Variants in MCF2L observed in about 807,000 individuals in gnomAD.
MCF2L encodes the protein guanine nucleotide exchange factor DBS.
Under a neutral mutation model 153.4 loss-of-function variants are expected in MCF2L, and 97 were observed. The ratio of observed to expected loss-of-function variants is 0.63; its 90% CI spans 0.54 to 0.75. The LOEUF is 0.75. Among genes scored for constraint, MCF2L ranks in the 30% least tolerant of loss-of-function variants. The pLI, the probability that MCF2L is intolerant of heterozygous loss-of-function variation, is 0.00. For synonymous variants in MCF2L, 659 were observed against 632.2 expected, an observed-to-expected ratio of 1.04 and a Z score of -0.64; for missense variants, 1,347 against 1,495.2, an observed-to-expected ratio of 0.90 and a Z score of 1.64.
At chr13:113,020,446 G>T (rs1012577990) in intron 2 of MCF2L, among the ~76,000 whole-genome samples, 1 of 152,230 alleles carries the variant, frequency 6.6e-6, no homozygotes, top group Non-Finnish European at 1.5e-5. Flanking sequence ...AACTCAGGCT[G>T]CTTGCTGTGA....
At chr13:112,912,252 T>G (rs2081240292) in intron 2 of MCF2L, among the ~76,000 whole-genome samples, 1 of 152,190 alleles carries the variant, frequency 6.6e-6, no homozygotes, top group Non-Finnish European at 1.5e-5. Context: ...GAGTGGGTAA[T>G]GTCTGGGTGT....
At chr13:113,024,572 C>A in intron 2 of MCF2L, 72 bp from the exon 3 acceptor site, 1 of 895,014 alleles carries the variant, frequency 1.1e-6, no homozygotes, top group Non-Finnish European at 1.9e-6. Context: ...CTGATGAAAA[C>A]GGGCCGACAT....
At chr13:113,044,691 G>A (rs537785253) in intron 3 of MCF2L, 93 of 1,612,756 alleles carry the variant, frequency 5.8e-5, no homozygotes, top group Middle Eastern at 1.6e-4. Flanking sequence ...GGAGGCTGTC[G>A]TTATACAACG....
intron 2 of MCF2L, among the ~76,000 whole-genome samples, chr13:112,906,862 G>A (rs886067883): frequency 1.3e-5 from 2 of 152,236 alleles, no homozygotes; most frequent in Non-Finnish European, 2.9e-5. Context: ...TTGGTCAGTG[G>A]TGTCTTTAAA....
intron 1 of MCF2L, among the ~76,000 whole-genome samples, chr13:112,987,617 A>G (rs1389216423): frequency 2.6e-5 from 4 of 152,140 alleles, no homozygotes; most frequent in African/African-American, 9.7e-5. Context: ...TTTCACTTCC[A>G]TGGTAGTGGC....
chr13:113,077,292 G>A, intron 13 of MCF2L, 81 bp downstream of exon 13: 2 of 1,406,976 alleles, frequency 1.4e-6, no homozygotes, highest in African/African-American at 2.9e-5. Flanking sequence ...TACATCTGAG[G>A]CAGCCACCTG....
chr13:113,087,172 G>C (rs1566873984), intron 21 of MCF2L, 63 bp from the exon 22 acceptor site: 1 of 1,405,568 alleles, frequency 7.1e-7, no homozygotes, highest in Admixed American at 1.9e-5. Context: ...TTCACTCAGC[G>C]ATGCGCGTCC....
intron 1 of MCF2L, among the ~76,000 whole-genome samples, chr13:112,997,637 G>A (rs915652009): frequency 6.6e-6 from 1 of 152,242 alleles, no homozygotes; most frequent in Non-Finnish European, 1.5e-5. Context: ...GACCAGGTTT[G>A]TAAAATGAAA....
intron 2 of MCF2L, chr13:112,956,416 T>G (rs2081757997): frequency 6.6e-6 from 1 of 152,246 alleles, no homozygotes; most frequent in Non-Finnish European, 1.5e-5. Context: ...GAGAATTAAG[T>G]GTTAATGACA....
chr13:113,012,239 G>A (rs1250789125), intron 1 of MCF2L, among the ~76,000 whole-genome samples: 82 of 90,524 alleles, frequency 9.1e-4, no homozygotes, highest in East Asian at 3.4e-3. Context: ...TGGACACTGC[G>A]ATGAGGACGG....
chr13:112,936,975 C>T (rs2081521189), intron 2 of MCF2L, among the ~76,000 whole-genome samples: 1 of 152,212 alleles, frequency 6.6e-6, no homozygotes, highest in Admixed American at 6.5e-5. Flanking sequence ...ATTGAATCTA[C>T]AGATCCAAAC....
chr13:112,895,000 C>T (rs1410479080), intron 1 of MCF2L, among the ~76,000 whole-genome samples: 3 of 151,904 alleles, frequency 2.0e-5, no homozygotes, highest in Non-Finnish European at 2.9e-5. Flanking sequence ...CTTTCATCTG[C>T]CTGCTTGTCC....
chr13:113,000,968 A>G (rs1156513392), intron 1 of MCF2L, among the ~76,000 whole-genome samples: 1 of 152,158 alleles, frequency 6.6e-6, no homozygotes, highest in Non-Finnish European at 1.5e-5. Flanking sequence ...TGATATTCTC[A>G]GGAGATGTGC....
At chr13:113,001,854 G>T in intron 1 of MCF2L, 2 of 1,538,732 alleles carry the variant, frequency 1.3e-6, no homozygotes, top group African/African-American at 1.4e-5. Context: ...TCCTTTGTGT[G>T]CCCGGGAAGG....
intron 1 of MCF2L, among the ~76,000 whole-genome samples, chr13:113,002,708 A>G (rs1594584813): frequency 6.6e-6 from 1 of 152,334 alleles, no homozygotes; most frequent in East Asian, 1.9e-4. Context: ...TGCTTTTCTA[A>G]GAATGGAGTA....
At chr13:112,988,795 G>A (rs1339192835) in intron 1 of MCF2L, among the ~76,000 whole-genome samples, 5 of 112,416 alleles carry the variant, frequency 4.4e-5, no homozygotes, top group African/African-American at 1.7e-4. Context: ...CCCTGAGCAG[G>A]GGATGGGCTA....
chr13:112,913,459 T>G (rs1201277480), intron 2 of MCF2L, among the ~76,000 whole-genome samples: 1 of 152,194 alleles, frequency 6.6e-6, no homozygotes, highest in African/African-American at 2.4e-5. Context: ...AAAGTTATGT[T>G]TGATGCAGCT....
At chr13:112,912,274 G>T (rs978904057) in intron 2 of MCF2L, among the ~76,000 whole-genome samples, 1 of 152,106 alleles carries the variant, frequency 6.6e-6, no homozygotes, top group South Asian at 2.1e-4. Context: ...AGTGTCCGGG[G>T]ACATTGGCAG....
chr13:113,008,458 C>A (rs1566726429), intron 1 of MCF2L, among the ~76,000 whole-genome samples: 1 of 152,162 alleles, frequency 6.6e-6, no homozygotes, highest in African/African-American at 2.4e-5. Context: ...TGGTTAAATT[C>A]AGTGCCGTAA....
Sources: allele counts gnomAD v4.1 joint callset (sites outside exome capture counted in the v4.1 genomes callset), GRCh38; gene constraint gnomAD v4.1.1; transcripts MANE v1.5; gene names NCBI Gene and HGNC (gene_info 2026-07-23, HGNC 2026-07-21).